The following OOEP variants were observed in gnomAD, a reference collection of about 807,000 sequenced individuals.
The protein encoded by OOEP is oocyte-expressed protein homolog.
Under a neutral mutation model 13.7 loss-of-function variants are expected in OOEP, and 16 were observed. That is an observed-to-expected ratio of 1.16 (90% CI 0.79 to 1.77). OOEP has a LOEUF of 1.77. Among genes scored for constraint, OOEP ranks in the 40% most tolerant of loss-of-function variants. OOEP has a pLI of 0.00. For synonymous variants in OOEP, 89 were observed against 77.1 expected (o/e 1.15, Z -0.81); for missense variants, 195 against 193.1 (o/e 1.01, Z -0.06).
At chr6:73,379,361 C>T (rs2150781030) in intron 2 of OOEP, among the ~76,000 whole-genome samples, 1 of 147,780 alleles carries the variant, frequency 6.8e-6, no homozygotes, top group East Asian at 2.2e-4. Context: ...ATTCAGTGGC[C>T]TGGCCAGGCA....
chr6:73,385,592 TCTC>T (rs1463690074), intron 2 of OOEP, among the ~76,000 whole-genome samples: 1 of 149,422 alleles, frequency 6.7e-6, no homozygotes, highest in Non-Finnish European at 1.5e-5. Flanking sequence ...AAATAAAAGC[TCTC>T]TTTTTTTTTT....
At chr6:73,390,554 G>A (rs1385744859) in intron 2 of OOEP, among the ~76,000 whole-genome samples, 2 of 150,372 alleles carry the variant, frequency 1.3e-5, no homozygotes, top group Admixed American at 6.6e-5. Flanking sequence ...ATTTTTATGA[G>A]GTTTGATCTT....
chr6:73,394,722 C>T (rs1207756193), exon 1 of OOEP: 7 of 837,236 alleles, frequency 8.4e-6, no homozygotes, highest in Non-Finnish European at 1.3e-5. Flanking sequence ...CGCTCACTGG[C>T]CAATGGCTGC....
At chr6:73,377,524 A>C (rs557657459) in intron 2 of OOEP, among the ~76,000 whole-genome samples, 1 of 152,274 alleles carries the variant, frequency 6.6e-6, no homozygotes, top group African/African-American at 2.4e-5. Flanking sequence ...TCTCTACTCA[A>C]ATGTTTCTCT....
At chr6:73,394,693 G>A (rs1307784686) in intron 1 of OOEP, 9 of 683,302 alleles carry the variant, frequency 1.3e-5, no homozygotes. Context: ...GGCTAAAACT[G>A]GGAAAGTCCC....
intron 2 of OOEP, among the ~76,000 whole-genome samples, chr6:73,390,179 A>G (rs1769328073): frequency 6.6e-6 from 1 of 152,178 alleles, no homozygotes; most frequent in Non-Finnish European, 1.5e-5. Flanking sequence ...AAAAAAAGAA[A>G]TAAGAAAAAA....
chr6:73,376,348 T>TTG (rs1769137886), intron 2 of OOEP, among the ~76,000 whole-genome samples: 3 of 26,610 alleles, frequency 1.1e-4, no homozygotes, highest in African/African-American at 2.4e-4. Flanking sequence ...GGGGTTGTTT[T>TTG]TTTTTTTTTT....
chr6:73,370,096 C>A (rs1442723847), upstream of OOEP: 1 of 391,142 alleles, frequency 2.6e-6, no homozygotes, highest in African/African-American at 2.0e-5. Flanking sequence ...GTATGCTTAG[C>A]CTGAAAGTCC....
intron 2 of OOEP, among the ~76,000 whole-genome samples, chr6:73,381,185 GAAACA>G (rs1769203521): frequency 1.6e-5 from 1 of 61,916 alleles, no homozygotes; most frequent in African/African-American, 7.7e-5. Context: ...TCAAAAAGAT[GAAACA>G]AAACAAAAAA....
Position 73,368,681 on chromosome 6 carries a change from G to A in OOEP, c.*103C>T. On this transcript the variant is annotated 3_prime_UTR_variant, in exon 3 of 3. Transcript: ENST00000370359. Reference sequence around the variant, plus strand: ...ATAAACCACAATCCATCAAGACACAGGAAAAAGGAATACGGGGATTTAAGA... The same window carrying A: ...ATAAACCACAATCCATCAAGACACAAGAAAAAGGAATACGGGGATTTAAGA... 1.3e-6 allele frequency: 1 copy of A among 758,638 alleles called. No homozygotes were observed. Among genetic ancestry groups the A allele is most frequent in the South Asian group, 1.6e-5 (1 of 63,606 alleles). The allele number at this position is 758,638 out of a possible 1,614,324, so 47.0% of individuals were successfully genotyped here. A position where few individuals can be genotyped will look rare whatever the true frequency, so the allele number is the denominator to read the frequency against.
upstream of OOEP, chr6:73,373,353 C>A: frequency 7.8e-7 from 1 of 1,290,204 alleles, no homozygotes; most frequent in Non-Finnish European, 1.1e-6. Context: ...GAGACAGGGT[C>A]TCACTCTGTC....
At chr6:73,393,256 T>A (rs915280958) in intron 2 of OOEP, among the ~76,000 whole-genome samples, 1 of 152,088 alleles carries the variant, frequency 6.6e-6, no homozygotes, top group Non-Finnish European at 1.5e-5. Context: ...TAGCTGGGAC[T>A]ACAGCCTGTA....
intron 2 of OOEP, among the ~76,000 whole-genome samples, chr6:73,393,046 C>T (rs1267400303): frequency 6.6e-6 from 1 of 151,790 alleles, no homozygotes; most frequent in Non-Finnish European, 1.5e-5. Context: ...GGGATTACAG[C>T]CATGAGCCAC....
At chr6:73,384,389 C>T (rs563856308) in intron 2 of OOEP, among the ~76,000 whole-genome samples, 200 of 152,292 alleles carry the variant, frequency 1.3e-3, no homozygotes, top group African/African-American at 4.6e-3. Flanking sequence ...GTCAATCTTT[C>T]AAACTCTTCC....
intron 2 of OOEP, among the ~76,000 whole-genome samples, chr6:73,376,361 T>G (rs953941274): frequency 8.1e-4 from 120 of 148,708 alleles, no homozygotes; most frequent in Non-Finnish European, 1.5e-3. Context: ...TTTTTTTTTT[T>G]TTTTTTTTTT....
chr6:73,372,114 T>TA (rs966573151), upstream of OOEP, among the ~76,000 whole-genome samples: 1 of 151,948 alleles, frequency 6.6e-6, no homozygotes, highest in Non-Finnish European at 1.5e-5. Flanking sequence ...AAAATAAACC[T>TA]AAAAAAATTA....
chr6:73,371,633 C>A (rs1201984721), upstream of OOEP, among the ~76,000 whole-genome samples: 1 of 151,952 alleles, frequency 6.6e-6, no homozygotes, highest in African/African-American at 2.4e-5. Context: ...GCCTATAATC[C>A]CAGCTACTCA....
At chr6:73,369,414 G>A (rs771033799) in intron 1 of OOEP, 29 bp from the exon 2 acceptor site, 2 of 1,592,846 alleles carry the variant, frequency 1.3e-6, no homozygotes, top group Non-Finnish European at 1.7e-6. Context: ...ACTCTGAGGG[G>A]CTGCACGGTG....
At position 73,368,861 on chromosome 6, in the gene OOEP, C is replaced by T; in HGVS notation, c.373G>A (p.Glu125Lys). 2 of 1,612,074 alleles carry T rather than the reference C, an allele frequency of 1.2e-6. No homozygotes were observed. Among genetic ancestry groups the T allele is most frequent in the Middle Eastern group, 3.3e-4 (2 of 6,058 alleles). The change falls in exon 3 of 3, where the codon GAG (glutamate) becomes AAG (lysine). Residue 125 changes from glutamate to lysine, a missense_variant and splice_region_variant. Coordinates refer to ENST00000370359, the MANE Select transcript of OOEP (RefSeq NM_001080507.3). ...TTCTTCTCAAGGTGTTTCATCTTCT[C>T]AGCTGGAAGAGAAGCAGTTGATACT... ...WFHREHRARA[E>K]KMKHLEKNLK... is the part of the protein sequence containing the mutation.
Sources: gnomAD v4.1 joint callset for allele counts (sites outside exome capture counted in the v4.1 genomes callset) on GRCh38, gnomAD v4.1.1 for gene constraint, MANE v1.5 for transcripts, NCBI Gene and HGNC (gene_info 2026-07-23, HGNC 2026-07-21) for gene names.